Variants in GRIN2B observed in about 807,000 individuals in gnomAD.
The protein encoded by GRIN2B is glutamate ionotropic receptor NMDA type subunit 2B.
Under a neutral mutation model 114.5 loss-of-function variants are expected in GRIN2B, and 5 were observed. The observed-to-expected ratio is 0.04, with a 90% confidence interval of 0.02 to 0.09. GRIN2B has a LOEUF of 0.09. GRIN2B is among the 10% of genes least tolerant of loss of function. The probability of loss-of-function intolerance (pLI) is 1.00; values close to 1 mark genes in which losing one functional copy is unlikely to be tolerated. For missense variants in GRIN2B, 1,108 were observed against 1,943.5 expected, an observed-to-expected ratio of 0.57 and a Z score of 8.08; for synonymous variants, 787 against 745.1, an observed-to-expected ratio of 1.06 and a Z score of -0.92.
At chr12:13,817,647 C>T (rs1457179268) in intron 3 of GRIN2B, among the ~76,000 whole-genome samples, 5 of 152,106 alleles carry the variant, frequency 3.3e-5, no homozygotes, top group African/African-American at 1.2e-4. Flanking sequence ...CAAAAATTTG[C>T]TGATTGGAGA....
At chr12:13,565,760 TAGAAGAATCGTAG>T (rs1948631068) in intron 13 of GRIN2B, among the ~76,000 whole-genome samples, 1 of 152,184 alleles carries the variant, frequency 6.6e-6, no homozygotes, top group African/African-American at 2.4e-5. Context: ...GGGAGAGGGT[TAGAAGAATCGTAG>T]CGAAATGGGA....
In GRIN2B at chr12:13,621,369, G is replaced by C. The variant is rs1315606236; in HGVS notation, c.1126-4712C>G. ...GACAATGTAGCGAGAAGAACTGAAT[G>C]AAGAATTTATGCTTGAGATTAAAAT... On this transcript the variant is annotated intron_variant, in intron 5 of 13. Transcript: ENST00000609686. Among the ~76,000 whole-genome samples the C allele has an allele frequency of 4.6e-5, 7 of 152,180 alleles. No homozygotes were observed. The South Asian group carries it at 1.5e-3, about 32-fold the overall frequency.
chr12:13,972,940 T>G (rs1226850171), intron 2 of GRIN2B, among the ~76,000 whole-genome samples: 6 of 152,058 alleles, frequency 3.9e-5, no homozygotes, highest in African/African-American at 1.4e-4. Flanking sequence ...GTGTGGGGGG[T>G]GTGTGGATTT....
intron 2 of GRIN2B, among the ~76,000 whole-genome samples, chr12:13,963,343 G>C (rs1431813722): frequency 2.0e-5 from 3 of 152,120 alleles, no homozygotes; most frequent in African/African-American, 7.2e-5. Flanking sequence ...CAGCAGAAAT[G>C]AACGCACCCA....
At chr12:13,883,669 T>C (rs1009803886) in intron 2 of GRIN2B, among the ~76,000 whole-genome samples, 2 of 152,130 alleles carry the variant, frequency 1.3e-5, no homozygotes, top group Non-Finnish European at 2.9e-5. Context: ...TTGTGAGAGT[T>C]CTACACATAT....
At chr12:13,772,649 TGCACAGA>T (rs1863926571) in intron 3 of GRIN2B, among the ~76,000 whole-genome samples, 1 of 152,218 alleles carries the variant, frequency 6.6e-6, no homozygotes, top group African/African-American at 2.4e-5. Flanking sequence ...AAATCATGTC[TGCACAGA>T]GTAAATACCT....
intron 5 of GRIN2B, among the ~76,000 whole-genome samples, chr12:13,654,603 T>G (rs1465786540): frequency 6.6e-6 from 1 of 152,126 alleles, no homozygotes; most frequent in Non-Finnish European, 1.5e-5. Context: ...CGTCAAATGG[T>G]TCTGTTTCCA....
chr12:13,607,433 A>G (rs1328026435), intron 10 of GRIN2B, among the ~76,000 whole-genome samples: 1 of 83,454 alleles, frequency 1.2e-5, no homozygotes, highest in Non-Finnish European at 2.1e-5. Flanking sequence ...ATTATATATA[A>G]TATATATTAT....
Position 13,765,477 on chromosome 12 carries a change from G to T in GRIN2B, c.412-11562C>A, listed in dbSNP as rs547748583. 5.9e-5 allele frequency among the ~76,000 whole-genome samples: 9 copies of T among 152,284 alleles called. No individual in the cohort carries two copies. In the East Asian group the frequency reaches 1.5e-3, roughly 26 times the overall value. ...GGTCTCATGCTCTCCTTGGTGGAAG[G>T]CACATGATAAGCCCTCAAGAATATT... On this transcript the variant is annotated intron_variant, in intron 3 of 13. Transcript: ENST00000609686.
chr12:13,951,881 T>A (rs918178642), intron 2 of GRIN2B, among the ~76,000 whole-genome samples: 106 of 152,242 alleles, frequency 7.0e-4, no homozygotes, highest in African/African-American at 2.3e-3. Context: ...TAGACTTTAT[T>A]GGTAATAAGA....
chr12:13,702,270 G>A (rs1307278131), intron 4 of GRIN2B, among the ~76,000 whole-genome samples: 1 of 152,122 alleles, frequency 6.6e-6, no homozygotes, highest in Non-Finnish European at 1.5e-5. Context: ...ATGTTCACCA[G>A]GATCTTTCCC....
intron 3 of GRIN2B, among the ~76,000 whole-genome samples, chr12:13,843,769 C>G (rs1212094987): frequency 6.6e-6 from 1 of 152,126 alleles, no homozygotes; most frequent in Non-Finnish European, 1.5e-5. Flanking sequence ...TTGTGAAGTC[C>G]AACATGACTT....
intron 2 of GRIN2B, among the ~76,000 whole-genome samples, chr12:13,912,796 G>C (rs1866646581): frequency 1.3e-5 from 2 of 152,076 alleles, no homozygotes; most frequent in African/African-American, 4.8e-5. Flanking sequence ...TGTGTATTTT[G>C]TAAAGTGCAC....
intron 5 of GRIN2B, 77 bp from the exon 6 acceptor site, chr12:13,616,734 C>T (rs1949447828): frequency 1.8e-6 from 2 of 1,117,056 alleles, no homozygotes; most frequent in Non-Finnish European, 2.7e-6. Flanking sequence ...ATTGTCTGAA[C>T]AATCCCAGGA....
At chr12:13,712,962 T>G (rs1314412389) in intron 4 of GRIN2B, among the ~76,000 whole-genome samples, 1 of 151,830 alleles carries the variant, frequency 6.6e-6, no homozygotes, top group East Asian at 1.9e-4. Flanking sequence ...TTACCGAGCA[T>G]AACTATATAC....
rs370978254 is a variant in GRIN2B at position 13,779,036 on chromosome 12, A to G, written c.412-25121T>C. On this transcript the variant is annotated intron_variant, in intron 3 of 13. Transcript: ENST00000609686. ...ACCCAACCCCTGCTCTGTAACTTGCATTGTTCCTCTTTATTTTATTTTATT... is the reference window on the plus strand; with the variant it reads ...ACCCAACCCCTGCTCTGTAACTTGCGTTGTTCCTCTTTATTTTATTTTATT... Among the ~76,000 whole-genome samples, 73 of 152,106 alleles carry G rather than the reference A, an allele frequency of 4.8e-4. No homozygotes were observed. In the Middle Eastern group the frequency reaches 0.01, roughly 21 times the overall value.
At chr12:13,680,676 C>A (rs906120645) in intron 4 of GRIN2B, among the ~76,000 whole-genome samples, 1 of 151,990 alleles carries the variant, frequency 6.6e-6, no homozygotes. Flanking sequence ...ACAACTTTGC[C>A]AAGGTGACCT....
At chr12:13,680,436 TTGTGTGTG>T (rs56755720) in intron 4 of GRIN2B, among the ~76,000 whole-genome samples, 2,990 of 123,526 alleles carry the variant, frequency 0.024, 61 homozygotes, top group South Asian at 0.11. Context: ...CCCATCAAGG[TTGTGTGTG>T]TGTGTGTGTG....
At chr12:13,691,959 C>T (rs1950217878) in intron 4 of GRIN2B, among the ~76,000 whole-genome samples, 1 of 152,082 alleles carries the variant, frequency 6.6e-6, no homozygotes, top group Non-Finnish European at 1.5e-5. Flanking sequence ...TCTAACCACA[C>T]CTAAAGCTCT....
Sources: gnomAD v4.1 joint callset for allele counts (sites outside exome capture counted in the v4.1 genomes callset) on GRCh38, gnomAD v4.1.1 for gene constraint, MANE v1.5 for transcripts, NCBI Gene and HGNC (gene_info 2026-07-23, HGNC 2026-07-21) for gene names.